The following ZNF385D variants were observed in gnomAD, a reference collection of about 807,000 sequenced individuals.
The protein encoded by ZNF385D is zinc finger protein 659.
Under a neutral mutation model 35.8 loss-of-function variants are expected in ZNF385D, and 15 were observed. The ratio of observed to expected loss-of-function variants is 0.42; its 90% CI spans 0.28 to 0.64. The LOEUF is 0.64. Ranked by LOEUF, ZNF385D falls within the 30% of genes least tolerant of loss-of-function variation. The pLI is 0.23. For synonymous variants in ZNF385D, 212 were observed against 186.8 expected (o/e 1.13, Z -1.10); for missense variants, 474 against 494.6 (o/e 0.96, Z 0.39).
At chr3:22,299,758 A>C (rs573140551) in intron 2 of ZNF385D, among the ~76,000 whole-genome samples, 4 of 152,072 alleles carry the variant, frequency 2.6e-5, no homozygotes, top group African/African-American at 9.6e-5. Flanking sequence ...AATTTAACCA[A>C]AGCAGTAAAA....
intron 3 of ZNF385D, among the ~76,000 whole-genome samples, chr3:21,888,065 A>G (rs1279934770): frequency 6.6e-6 from 1 of 152,160 alleles, no homozygotes; most frequent in Non-Finnish European, 1.5e-5. Context: ...CTTTTATTCA[A>G]ACTCAATAAT....
chr3:22,205,333 C>T (rs1454917507), intron 2 of ZNF385D, among the ~76,000 whole-genome samples: 1 of 151,676 alleles, frequency 6.6e-6, no homozygotes, highest in East Asian at 1.9e-4. Flanking sequence ...TGAGGGATTT[C>T]ATCAACACCA....
intron 2 of ZNF385D, among the ~76,000 whole-genome samples, chr3:22,206,281 G>T (rs982462559): frequency 1.3e-5 from 2 of 151,834 alleles, no homozygotes; most frequent in African/African-American, 4.8e-5. Context: ...GATATATAAA[G>T]CAAATATTCT....
chr3:22,177,224 C>T (rs1694894549), intron 2 of ZNF385D, among the ~76,000 whole-genome samples: 1 of 152,156 alleles, frequency 6.6e-6, no homozygotes, highest in Non-Finnish European at 1.5e-5. Flanking sequence ...CTACTTTAAA[C>T]ATCAACCCTA....
intron 3 of ZNF385D, among the ~76,000 whole-genome samples, chr3:21,775,789 T>C (rs17009544): frequency 0.083 from 12,633 of 151,922 alleles, 839 homozygotes; most frequent in East Asian, 0.33. Context: ...TTAGATTGTC[T>C]GAGCTATAGT....
intron 2 of ZNF385D, among the ~76,000 whole-genome samples, chr3:22,234,841 T>C (rs897246470): frequency 1.3e-5 from 2 of 152,088 alleles, no homozygotes; most frequent in Admixed American, 6.6e-5. Flanking sequence ...CAATAAAATA[T>C]TGCATCTGAA....
intron 3 of ZNF385D, among the ~76,000 whole-genome samples, chr3:21,816,434 T>A (rs572290140): frequency 6.6e-6 from 1 of 152,166 alleles, no homozygotes; most frequent in Non-Finnish European, 1.5e-5. Context: ...GAAAACCCCA[T>A]TGTCTCAGCC....
intron 3 of ZNF385D, among the ~76,000 whole-genome samples, chr3:22,116,065 G>C (rs1007426130): frequency 1.8e-4 from 28 of 151,950 alleles, no homozygotes; most frequent in African/African-American, 6.3e-4. Flanking sequence ...AAAAGTTCAA[G>C]CTTTGGAAAC....
chr3:21,808,108 T>C (rs1361299611), intron 3 of ZNF385D, among the ~76,000 whole-genome samples: 1 of 152,230 alleles, frequency 6.6e-6, no homozygotes, highest in Non-Finnish European at 1.5e-5. Context: ...CAAAGCATGG[T>C]TGGAGGAAAA....
At chr3:21,626,985 AATG>A (rs1325527538) in intron 2 of ZNF385D, among the ~76,000 whole-genome samples, 2 of 151,970 alleles carry the variant, frequency 1.3e-5, no homozygotes, top group Non-Finnish European at 2.9e-5. Flanking sequence ...GGTGCCTATC[AATG>A]ATGAGATTTT....
chr3:22,359,074 CAAAAAAA>C (rs564037085), intron 2 of ZNF385D, among the ~76,000 whole-genome samples: 7 of 122,950 alleles, frequency 5.7e-5, no homozygotes, highest in African/African-American at 2.2e-4. Context: ...ACAAAAAAAC[CAAAAAAA>C]AAAACAAAAA....
At chr3:21,644,138 T>C (rs1158771604) in intron 2 of ZNF385D, among the ~76,000 whole-genome samples, 2 of 152,196 alleles carry the variant, frequency 1.3e-5, no homozygotes, top group Non-Finnish European at 2.9e-5. Context: ...TACTACAGGC[T>C]AATTTATATA....
chr3:22,189,557 AAAGG>A (rs1363926046), intron 2 of ZNF385D, among the ~76,000 whole-genome samples: 1 of 152,164 alleles, frequency 6.6e-6, no homozygotes, highest in Non-Finnish European at 1.5e-5. Context: ...AGAGAAGAAA[AAAGG>A]AAGGTTCAAT....
At chr3:22,127,211 G>A (rs995561510) in intron 3 of ZNF385D, among the ~76,000 whole-genome samples, 2 of 140,454 alleles carry the variant, frequency 1.4e-5, no homozygotes, top group East Asian at 2.1e-4. Context: ...CTGACATTTT[G>A]TTATTTCTTT....
intron 3 of ZNF385D, among the ~76,000 whole-genome samples, chr3:22,129,215 C>A (rs972726325): frequency 1.2e-4 from 18 of 152,092 alleles, no homozygotes; most frequent in African/African-American, 4.3e-4. Flanking sequence ...TGCTGAGCTA[C>A]CTAGAGCTGG....
intron 1 of ZNF385D, among the ~76,000 whole-genome samples, chr3:21,712,174 A>G (rs777668858): frequency 2.6e-5 from 4 of 152,016 alleles, no homozygotes; most frequent in Non-Finnish European, 5.9e-5. Context: ...TCCCTTTACT[A>G]TGGTCTTTCT....
chr3:22,155,836 T>C (rs1705549833), intron 3 of ZNF385D, among the ~76,000 whole-genome samples: 1 of 152,150 alleles, frequency 6.6e-6, no homozygotes. Flanking sequence ...GAAGAGTTTG[T>C]TGTTAAAAGT....
At position 21,889,579 on chromosome 3, in the gene ZNF385D, C is replaced by T. The variant is rs567024749; in HGVS notation, c.326-224551G>A. Among the ~76,000 whole-genome samples the T allele has an allele frequency of 2.0e-5, 3 of 152,166 alleles. No individual in the cohort carries two copies. In the East Asian group the frequency reaches 5.8e-4, roughly 30 times the overall value. On this transcript the variant is annotated intron_variant, in intron 3 of 5. Transcript: ENST00000494108. ...AGAATCAAATAGGACTTTATTGCCC[C>T]TTAACTTTCTTCAGAAAAAAAACTG...
intron 2 of ZNF385D, among the ~76,000 whole-genome samples, chr3:21,585,584 C>G (rs1482217438): frequency 1.3e-5 from 2 of 152,040 alleles, no homozygotes; most frequent in Non-Finnish European, 2.9e-5. Flanking sequence ...AATTACCTGG[C>G]AAAATAATCT....
Sources: gnomAD v4.1 joint callset for allele counts (sites outside exome capture counted in the v4.1 genomes callset) on GRCh38, gnomAD v4.1.1 for gene constraint, MANE v1.5 for transcripts, NCBI Gene and HGNC (gene_info 2026-07-23, HGNC 2026-07-21) for gene names.